GTF2I: variants seen among roughly 807,000 people sequenced by gnomAD.
GTF2I encodes general transcription factor IIi.
In GTF2I, 12 loss-of-function variants were observed where a neutral mutation model predicts 67.6. The observed-to-expected ratio is 0.18, with a 90% CI of 0.11 to 0.29. The LOEUF is 0.29. GTF2I is among the 10% of genes least tolerant of loss of function. GTF2I has a pLI of 1.00. For missense variants in GTF2I, 271 were observed against 580.1 expected (o/e 0.47, Z 5.47); for synonymous variants, 149 against 197.0 (o/e 0.76, Z 2.04).
rs1158949751 is a variant in GTF2I at position 74,693,265 on chromosome 7, A to ATTT, written c.238+2180_238+2182dup. 1.1e-3 allele frequency among the ~76,000 whole-genome samples: 92 copies of ATTT among 83,020 alleles called. 13 individuals are homozygous for ATTT. The highest frequency in any genetic ancestry group is 1.9e-3 in the Non-Finnish European group (78 of 42,040). 54.5% of individuals were successfully genotyped at this position (83,020 alleles called of 152,430 possible). A position where few individuals can be genotyped will look rare whatever the true frequency, so the allele number is the denominator to read the frequency against. On this transcript the variant is annotated intron_variant, in intron 3 of 34. Transcript: ENST00000573035. Reference sequence around the variant, plus strand: ...TGATTATTGTATCCGCTGTAGTGGAATTTTTTTTTTTTTTTTTTTTTTTTT... The same window carrying ATTT: ...TGATTATTGTATCCGCTGTAGTGGAATTTTTTTTTTTTTTTTTTTTTTTTTTTT...
At chr7:74,658,769 G>T (rs1804190084) in intron 1 of GTF2I, among the ~76,000 whole-genome samples, 1 of 151,796 alleles carries the variant, frequency 6.6e-6, no homozygotes, top group African/African-American at 2.4e-5. Context: ...GTTCTTTGGG[G>T]GAAATAAACA....
intron 5 of GTF2I, 84 bp downstream of exon 5, chr7:74,700,514 ATTCAT>A: frequency 6.3e-7 from 1 of 1,596,642 alleles, no homozygotes; most frequent in Non-Finnish European, 8.6e-7. Flanking sequence ...TATTTTTAAA[ATTCAT>A]ATTTAACACA....
At chr7:74,661,227 C>G (rs973018056) in intron 1 of GTF2I, among the ~76,000 whole-genome samples, 2 of 152,138 alleles carry the variant, frequency 1.3e-5, no homozygotes, top group African/African-American at 4.8e-5. Flanking sequence ...CAGGCTGATT[C>G]TGCAGGTCTG....
intron 1 of GTF2I, among the ~76,000 whole-genome samples, chr7:74,665,988 C>T (rs587700770): frequency 8.5e-5 from 13 of 152,240 alleles, no homozygotes; most frequent in East Asian, 1.9e-4. Context: ...TACAGGCGTG[C>T]GCCACCATGC....
At chr7:74,684,673 A>AAG (rs370233460) in intron 1 of GTF2I, 3 of 152,410 alleles carry the variant, frequency 2.0e-5, no homozygotes, top group African/African-American at 7.2e-5. Flanking sequence ...AGAGAGCAGG[A>AAG]AGCACAGAGA....
intron 1 of GTF2I, among the ~76,000 whole-genome samples, chr7:74,682,561 A>C (rs1787361581): frequency 6.6e-6 from 1 of 152,170 alleles, no homozygotes; most frequent in South Asian, 2.1e-4. Flanking sequence ...CTTGGATTAG[A>C]GTGATTCTAG....
In GTF2I at chr7:74,699,038, G is replaced by T; in HGVS notation, c.316G>T (p.Ala106Ser). The T allele has an allele frequency of 6.4e-7, 1 of 1,553,304 alleles. No homozygotes were observed. Among genetic ancestry groups the T allele is most frequent in the Non-Finnish European group, 8.7e-7 (1 of 1,145,276 alleles). The stretch of plus-strand genomic sequence containing the variant: ...CCAGGCAAATCGGATGAGTGTAGAT[G>T]CTGTAGAAATTGAAACACTCAGAAA... ...TTQANRMSVD[A>S]VEIETLRKTV... Residue 106 changes from alanine (A) to serine (S), a missense_variant, in exon 4 of 35, where the codon GCT (alanine) becomes TCT (serine). Ala to Ser is a moderately conservative substitution (Grantham distance 99, BLOSUM62 1). Transcript: ENST00000573035.
chr7:74,700,460 A>T lies in GTF2I; in HGVS notation c.557+30A>T, dbSNP rs782269443. 21 of 1,611,812 alleles carry T rather than the reference A, an allele frequency of 1.3e-5. No individual in the cohort carries two copies. In the South Asian group the frequency reaches 2.3e-4, roughly 18 times the overall value. ...AGTGCTTTCTCCCTTTGTACCCATC[A>T]ACAGTTGATTCGTATAAATTTGAAT... is the stretch of plus-strand genomic sequence containing the variant. On this transcript the variant is annotated intron_variant, in intron 5 of 34. Transcript: ENST00000573035.
intron 1 of GTF2I, among the ~76,000 whole-genome samples, chr7:74,682,029 C>A (rs1787321969): frequency 6.6e-6 from 1 of 152,110 alleles, no homozygotes; most frequent in Non-Finnish European, 1.5e-5. Flanking sequence ...GGGAGGACAC[C>A]CTTCTGCTTA....
At chr7:74,711,008 A>G (rs1791477882) in intron 8 of GTF2I, 24 bp from the exon 9 acceptor site, 2 of 1,280,330 alleles carry the variant, frequency 1.6e-6, no homozygotes, top group African/African-American at 1.5e-5. Flanking sequence ...ACATGCAATC[A>G]TATCATTGCA....
At chr7:74,696,732 C>T (rs182105423) in intron 3 of GTF2I, among the ~76,000 whole-genome samples, 205 of 151,840 alleles carry the variant, frequency 1.4e-3, no homozygotes, top group African/African-American at 4.1e-3. Flanking sequence ...TGACCTCAGG[C>T]GATCTGCCCT....
intron 1 of GTF2I, among the ~76,000 whole-genome samples, chr7:74,681,730 G>A (rs1044126300): frequency 6.6e-6 from 1 of 152,162 alleles, no homozygotes; most frequent in Non-Finnish European, 1.5e-5. Flanking sequence ...TGGCCAACAT[G>A]GCAAAATCCT....
chr7:74,689,070 G>A, intron 1 of GTF2I, 54 bp from the exon 2 acceptor site: 1 of 1,030,078 alleles, frequency 9.7e-7, no homozygotes, highest in Non-Finnish European at 1.5e-6. Context: ...TTTGGCTGTG[G>A]GTTCAGGACA....
chr7:74,712,013 G>A (rs1294993251), intron 9 of GTF2I, among the ~76,000 whole-genome samples: 1 of 149,134 alleles, frequency 6.7e-6, no homozygotes, highest in Non-Finnish European at 1.5e-5. Flanking sequence ...GCAGTGGCGC[G>A]ATCTTGGCTC....
intron 1 of GTF2I, among the ~76,000 whole-genome samples, chr7:74,670,145 T>C (rs1170943932): frequency 1.3e-5 from 2 of 152,226 alleles, no homozygotes; most frequent in Non-Finnish European, 2.9e-5. Context: ...AAGTTTAAAT[T>C]ATAAATGCTT....
At chr7:74,703,569 G>A (rs896455700) in intron 6 of GTF2I, among the ~76,000 whole-genome samples, 2 of 151,998 alleles carry the variant, frequency 1.3e-5, no homozygotes, top group Non-Finnish European at 2.9e-5. Context: ...TAGTGGATAC[G>A]GGGTTTCACC....
At chr7:74,669,557 A>G (rs1419461967) in intron 1 of GTF2I, among the ~76,000 whole-genome samples, 1 of 148,318 alleles carries the variant, frequency 6.7e-6, no homozygotes, top group Non-Finnish European at 1.5e-5. Flanking sequence ...TTTTTTTGAG[A>G]CAGTGTCTCC....
chr7:74,707,446 T>C (rs1360671496), intron 8 of GTF2I, among the ~76,000 whole-genome samples: 1 of 152,162 alleles, frequency 6.6e-6, no homozygotes, highest in Admixed American at 6.5e-5. Context: ...CCTGCCCCGC[T>C]TCACCCCATC....
chr7:74,707,330 C>T (rs1554401683), intron 8 of GTF2I, among the ~76,000 whole-genome samples: 1 of 152,234 alleles, frequency 6.6e-6, no homozygotes, highest in Non-Finnish European at 1.5e-5. Flanking sequence ...ACCGCCCTGC[C>T]TGCCCCCTCA....
Sources: gnomAD v4.1 joint callset for allele counts (sites outside exome capture counted in the v4.1 genomes callset) on GRCh38, gnomAD v4.1.1 for gene constraint, MANE v1.5 for transcripts, NCBI Gene and HGNC (gene_info 2026-07-23, HGNC 2026-07-21) for gene names.